The following FRMPD4 variants were observed in gnomAD, a reference collection of about 807,000 sequenced individuals.
FRMPD4 encodes FERM and PDZ domain-containing protein 4.
In FRMPD4, 22 loss-of-function variants were observed where a neutral mutation model predicts 94.1. The observed-to-expected ratio is 0.23, with a 90% CI of 0.17 to 0.33. The LOEUF (loss-of-function observed/expected upper bound fraction) is 0.33, where lower values mean the gene tolerates loss of function less well. Ranked by LOEUF, FRMPD4 falls within the 10% of genes least tolerant of loss-of-function variation. The pLI, the probability that FRMPD4 is intolerant of heterozygous loss-of-function variation, is 1.00. For missense variants in FRMPD4, 1,111 were observed against 1,339.9 expected (o/e 0.83, Z 2.67); for synonymous variants, 631 against 548.6 (o/e 1.15, Z -2.10).
chrX:12,123,511 A>T (rs141058223), intron 3 of FRMPD4, among the ~76,000 whole-genome samples: 1 of 111,686 alleles, frequency 9.0e-6, no homozygotes, highest in African/African-American at 3.2e-5. Flanking sequence ...ACCTTAGTAG[A>T]AAAGGAAGAA....
chrX:12,292,711 A>G (rs748972142), intron 1 of FRMPD4, among the ~76,000 whole-genome samples: 140 of 111,778 alleles, frequency 1.3e-3, no homozygotes, highest in African/African-American at 4.5e-3. Context: ...TGGTTATGCC[A>G]GTTTAAATGG....
At chrX:12,501,916 C>T (rs2057925875) in intron 2 of FRMPD4, among the ~76,000 whole-genome samples, 1 of 111,933 alleles carries the variant, frequency 8.9e-6, no homozygotes, top group Admixed American at 9.5e-5. Flanking sequence ...TAGGGTAGGG[C>T]TGGGTAACCT....
chrX:12,317,752 C>T (rs982502172), intron 1 of FRMPD4, among the ~76,000 whole-genome samples: 18 of 111,361 alleles, frequency 1.6e-4, no homozygotes, highest in African/African-American at 5.2e-4. Flanking sequence ...ATCAAAAATA[C>T]GATGAGATAT....
At chrX:12,383,768 C>G (rs1209024645) in intron 1 of FRMPD4, among the ~76,000 whole-genome samples, 2 of 111,888 alleles carry the variant, frequency 1.8e-5, no homozygotes, top group Non-Finnish European at 3.8e-5. Flanking sequence ...TAATCAAACA[C>G]TTGACGTGAA....
intron 2 of FRMPD4, among the ~76,000 whole-genome samples, chrX:12,559,659 A>AAAG (rs766275634): frequency 9.1e-6 from 1 of 109,799 alleles, no homozygotes; most frequent in African/African-American, 3.3e-5. Flanking sequence ...CAAGGAAAAA[A>AAAG]AAAAACAAAA....
chrX:11,831,238 A>G (rs1848980810), intron 1 of FRMPD4, among the ~76,000 whole-genome samples: 1 of 111,116 alleles, frequency 9.0e-6, no homozygotes, highest in Non-Finnish European at 1.9e-5. Context: ...TAAAACTTAA[A>G]GCGGAATATT....
rs754460993 is a variant in FRMPD4, at chrX:12,701,869, C to T, written c.934-5C>T. 1.2e-5 allele frequency: 15 copies of T among 1,209,662 alleles called. No homozygotes were observed. Among genetic ancestry groups the T allele is most frequent in the African/African-American group, 1.2e-4 (7 of 57,472 alleles). ...AAGCTGTGCCCCCTGCTGGTCTCTT[C>T]GCAGAGTTGTAACGATGTGGTTCAG... On this transcript the variant is annotated splice_polypyrimidine_tract_variant and splice_region_variant and intron_variant, in intron 9 of 16. Transcript: ENST00000675598.
At chrX:11,987,573 C>A (rs892619263) in intron 3 of FRMPD4, among the ~76,000 whole-genome samples, 1 of 110,880 alleles carries the variant, frequency 9.0e-6, no homozygotes, top group Non-Finnish European at 1.9e-5. Flanking sequence ...CTAGCTAGAA[C>A]AATAAGGCCA....
At chrX:12,148,541 C>T (rs1344536357) in intron 1 of FRMPD4, among the ~76,000 whole-genome samples, 1 of 111,244 alleles carries the variant, frequency 9.0e-6, no homozygotes, top group Non-Finnish European at 1.9e-5. Flanking sequence ...CAAGGTAAAG[C>T]GGCAAGTGCT....
intron 1 of FRMPD4, among the ~76,000 whole-genome samples, chrX:12,194,026 G>T (rs1297614966): frequency 9.2e-6 from 1 of 108,543 alleles, no homozygotes; most frequent in Non-Finnish European, 1.9e-5. Flanking sequence ...TTTGGATCAG[G>T]CATTTAGTCC....
intron 3 of FRMPD4, among the ~76,000 whole-genome samples, chrX:12,121,755 C>A (rs918188830): frequency 8.9e-6 from 1 of 111,748 alleles, no homozygotes; most frequent in Non-Finnish European, 1.9e-5. Flanking sequence ...ATGTCTCATT[C>A]CTGTGCTGCA....
intron 1 of FRMPD4, among the ~76,000 whole-genome samples, chrX:12,226,678 C>T (rs966861771): frequency 9.0e-6 from 1 of 111,068 alleles, no homozygotes; most frequent in Non-Finnish European, 1.9e-5. Flanking sequence ...TCTTGAGCCC[C>T]CATTTCCACA....
chrX:12,527,151 A>T (rs1285161928), intron 2 of FRMPD4, among the ~76,000 whole-genome samples: 2 of 112,090 alleles, frequency 1.8e-5, no homozygotes, highest in African/African-American at 3.2e-5. Context: ...TTGTAAACTC[A>T]TAATTGGTAT....
At chrX:11,887,826 C>T (rs1466661150) in intron 3 of FRMPD4, among the ~76,000 whole-genome samples, 1 of 111,930 alleles carries the variant, frequency 8.9e-6, no homozygotes, top group African/African-American at 3.2e-5. Flanking sequence ...ATTCTGAGGG[C>T]TCACATTACC....
chrX:11,949,251 G>T (rs945964371), intron 3 of FRMPD4, among the ~76,000 whole-genome samples: 1 of 112,140 alleles, frequency 8.9e-6, no homozygotes, highest in Admixed American at 9.5e-5. Flanking sequence ...GTGGTGTCTG[G>T]TGCATGTATA....
At chrX:12,691,432 G>GC (rs984400043) in intron 8 of FRMPD4, among the ~76,000 whole-genome samples, 1 of 110,881 alleles carries the variant, frequency 9.0e-6, no homozygotes, top group Non-Finnish European at 1.9e-5. Context: ...ACAGGAATGA[G>GC]CCCCCATGCC....
intron 1 of FRMPD4, among the ~76,000 whole-genome samples, chrX:12,385,897 T>C (rs1469313035): frequency 8.9e-6 from 1 of 112,371 alleles, no homozygotes; most frequent in African/African-American, 3.2e-5. Flanking sequence ...TGCTTTGTTT[T>C]TCTCACAGTA....
At chrX:12,029,478 C>T (rs2147431810) in intron 3 of FRMPD4, among the ~76,000 whole-genome samples, 1 of 111,605 alleles carries the variant, frequency 9.0e-6, no homozygotes, top group African/African-American at 3.3e-5. Context: ...TAATGAAGTC[C>T]AGCTTATCAG....
chrX:12,145,883 C>T, intron 1 of FRMPD4, among the ~76,000 whole-genome samples: 1 of 112,167 alleles, frequency 8.9e-6, no homozygotes, highest in Middle Eastern at 4.6e-3. Flanking sequence ...TCACCCTTGC[C>T]AGCCCCGCTC....
Sources: allele counts gnomAD v4.1 joint callset (sites outside exome capture counted in the v4.1 genomes callset), GRCh38; gene constraint gnomAD v4.1.1; transcripts MANE v1.5; gene names NCBI Gene and HGNC (gene_info 2026-07-23, HGNC 2026-07-21).